The following PHF24 variants were observed in gnomAD, a reference collection of about 807,000 sequenced individuals.
PHF24 encodes PHD finger protein 24, also known as Galpha inhibitory interacting protein.
PHF24 carries 25 observed loss-of-function variants against 42.6 expected under a neutral mutation model. That is an observed-to-expected ratio of 0.59 (90% CI 0.43 to 0.82). The LOEUF (loss-of-function observed/expected upper bound fraction) is 0.82. Ranked by LOEUF, PHF24 falls within the 40% of genes least tolerant of loss-of-function variation. The probability of loss-of-function intolerance (pLI) is 0.00; values close to 1 mark genes in which losing one functional copy is unlikely to be tolerated. For synonymous variants in PHF24, 185 were observed against 204.8 expected, an observed-to-expected ratio of 0.90 and a Z score of 0.83; for missense variants, 470 against 538.1, an observed-to-expected ratio of 0.87 and a Z score of 1.25.
chr9:34,964,635 C>T (rs905429332), intron 1 of PHF24, among the ~76,000 whole-genome samples: 3 of 152,162 alleles, frequency 2.0e-5, no homozygotes, highest in Non-Finnish European at 2.9e-5. Flanking sequence ...TTAATAATCC[C>T]GCTGAATTCT....
At chr9:34,913,447 A>G in the PHF24 span, among the ~76,000 whole-genome samples, 5 of 152,230 alleles carry the variant, frequency 3.3e-5, no homozygotes, top group Non-Finnish European at 7.3e-5. Context: ...CTCTATTGAT[A>G]GAATACGTTT....
chr9:34,851,313 C>G, the PHF24 span, among the ~76,000 whole-genome samples: 1 of 152,216 alleles, frequency 6.6e-6, no homozygotes, highest in South Asian at 2.1e-4. Flanking sequence ...TGGCGGGCTC[C>G]CCTCCCCCAG....
At chr9:34,697,692 G>A in the PHF24 span, among the ~76,000 whole-genome samples, 5 of 152,188 alleles carry the variant, frequency 3.3e-5, no homozygotes, top group Non-Finnish European at 5.9e-5. Context: ...GTAAAGTAGA[G>A]GAAGAGGTTC....
chr9:34,877,400 T>C, the PHF24 span, among the ~76,000 whole-genome samples: 2 of 152,132 alleles, frequency 1.3e-5, no homozygotes, highest in Non-Finnish European at 2.9e-5. Context: ...ATTTCACTTA[T>C]ATGAGATACT....
chr9:34,966,710 A>G lies in PHF24; in HGVS notation c.-4-4585A>G, dbSNP rs76405345. ...GTTTCCACCTTTTTTCTTTTTTAAG[A>G]GACAGGGTCTCACTGTGTTGCCCAG... On this transcript the variant is annotated intron_variant, in intron 1 of 7. Transcript: ENST00000242315. Among the ~76,000 whole-genome samples, 3,416 of 152,090 alleles carry G rather than the reference A, an allele frequency of 0.022. 189 individuals are homozygous for G. In the East Asian group the frequency reaches 0.23, roughly 10 times the overall value.
the PHF24 span, among the ~76,000 whole-genome samples, chr9:34,876,197 A>T: frequency 7.2e-5 from 11 of 152,166 alleles, no homozygotes; most frequent in Admixed American, 5.2e-4. Flanking sequence ...AAAAACCTGC[A>T]CATGGATGTT....
chr9:34,864,435 A>G, the PHF24 span, among the ~76,000 whole-genome samples: 1 of 152,174 alleles, frequency 6.6e-6, no homozygotes, highest in South Asian at 2.1e-4. Context: ...TGGAGCTCCA[A>G]TACATCTGGC....
chr9:34,922,565 CA>C, the PHF24 span: 1 of 974,440 alleles, frequency 1.0e-6, no homozygotes, highest in Non-Finnish European at 1.7e-6. Context: ...CTTTCATTTT[CA>C]AATAGAAGAA....
At chr9:34,805,626 G>A in the PHF24 span, among the ~76,000 whole-genome samples, 1 of 152,272 alleles carries the variant, frequency 6.6e-6, no homozygotes, top group Non-Finnish European at 1.5e-5. Context: ...TCAGATATAT[G>A]ATTTGCAAAT....
the PHF24 span, among the ~76,000 whole-genome samples, chr9:34,743,984 C>G: frequency 6.6e-6 from 1 of 152,182 alleles, no homozygotes; most frequent in African/African-American, 2.4e-5. Flanking sequence ...ACAACTTACT[C>G]TCATGGTAAC....
At chr9:34,693,942 A>G in the PHF24 span, among the ~76,000 whole-genome samples, 1 of 151,794 alleles carries the variant, frequency 6.6e-6, no homozygotes, top group Non-Finnish European at 1.5e-5. Context: ...CTATTAATGA[A>G]CTTCCTAAGT....
the PHF24 span, chr9:34,726,597 G>A: frequency 3.6e-5 from 56 of 1,551,718 alleles, no homozygotes; most frequent in Middle Eastern, 1.7e-4. Flanking sequence ...TTTGGGCCCC[G>A]GAGCACATCT....
At chr9:34,822,879 C>T in the PHF24 span, among the ~76,000 whole-genome samples, 2 of 152,188 alleles carry the variant, frequency 1.3e-5, no homozygotes, top group Admixed American at 6.5e-5. Context: ...TTCATCTGGG[C>T]ACAGACGCAG....
the PHF24 span, among the ~76,000 whole-genome samples, chr9:34,842,397 G>A: frequency 6.6e-6 from 1 of 152,188 alleles, no homozygotes; most frequent in Non-Finnish European, 1.5e-5. Flanking sequence ...GCTAGGGTTT[G>A]AATGTGTGTG....
At chr9:34,785,558 G>C in the PHF24 span, among the ~76,000 whole-genome samples, 2 of 152,296 alleles carry the variant, frequency 1.3e-5, no homozygotes, top group Admixed American at 6.5e-5. Flanking sequence ...AAGGCTGTAA[G>C]GGAATAAGTT....
the PHF24 span, among the ~76,000 whole-genome samples, chr9:34,926,098 T>C: frequency 1.3e-5 from 2 of 152,236 alleles, no homozygotes; most frequent in African/African-American, 4.8e-5. The surrounding 1 kb of genome is among the most constrained non-coding windows in gnomAD (Gnocchi z 4.3). Context: ...TGGCCTAGTC[T>C]GAAATAATTT....
At chr9:34,975,281 C>T (rs1293123332) in intron 3 of PHF24, among the ~76,000 whole-genome samples, 1 of 152,180 alleles carries the variant, frequency 6.6e-6, no homozygotes, top group Non-Finnish European at 1.5e-5. Flanking sequence ...GTGTTACACA[C>T]CACTGTGGCG....
At chr9:34,767,934 A>T in the PHF24 span, among the ~76,000 whole-genome samples, 2 of 152,332 alleles carry the variant, frequency 1.3e-5, no homozygotes, top group South Asian at 4.1e-4. Flanking sequence ...CATATTCTGG[A>T]TGCGTGCACA....
intron 6 of PHF24, 140 bp downstream of exon 6, chr9:34,977,383 G>A: frequency 8.2e-7 from 1 of 1,219,642 alleles, no homozygotes; most frequent in South Asian, 1.4e-5. Context: ...GGATGGTGAT[G>A]CCTACGGGCC....
Sources: gnomAD v4.1 joint callset for allele counts (sites outside exome capture counted in the v4.1 genomes callset) on GRCh38, gnomAD v4.1.1 for gene constraint, Gnocchi (gnomAD v3.1) non-coding constraint, MANE v1.5 for transcripts, NCBI Gene and HGNC (gene_info 2026-07-23, HGNC 2026-07-21) for gene names.